TYW1B: variants seen among roughly 807,000 people sequenced by gnomAD.
TYW1B encodes the protein tRNA-yW synthesizing protein 1 homolog B, also known as S-adenosyl-L-methionine-dependent tRNA 4-demethylwyosine synthase TYW1B.
In TYW1B, 73 loss-of-function variants were observed where a neutral mutation model predicts 86.9. That is an observed-to-expected ratio of 0.84 (90% CI 0.70 to 1.02). TYW1B has a LOEUF of 1.02. Ranked by LOEUF, TYW1B falls within the 50% of genes least tolerant of loss-of-function variation. The pLI, the probability that TYW1B is intolerant of heterozygous loss-of-function variation, is 0.00. For missense variants in TYW1B, 637 were observed against 827.4 expected (o/e 0.77, Z 2.82); for synonymous variants, 248 against 292.8 (o/e 0.85, Z 1.56).
chr7:72,781,987 A>G (rs1554471720), intron 6 of TYW1B, among the ~76,000 whole-genome samples: 1 of 152,220 alleles, frequency 6.6e-6, no homozygotes, highest in Non-Finnish European at 1.5e-5. Context: ...TTTGTTTTAA[A>G]TATCATATAA....
Position 72,709,406 on chromosome 7 carries a change from C to A in TYW1B, c.1370+4215G>T, listed in dbSNP as rs182758825. Among the ~76,000 whole-genome samples the A allele has an allele frequency of 4.2e-3, 633 of 152,290 alleles. 5 individuals carry two copies. The highest frequency in any genetic ancestry group is 0.014 in the African/African-American group (600 of 41,552). On this transcript the variant is annotated intron_variant, in intron 10 of 13. Coordinates refer to ENST00000620995, the MANE Select transcript of TYW1B (RefSeq NM_001145440.3). ...AAGCGTGGCCGAGCGTGGTGGCTCA[C>A]GCCTGTAATCCCAGCACTTTGGGAG... is the stretch of plus-strand genomic sequence containing the variant.
intron 7 of TYW1B, among the ~76,000 whole-genome samples, chr7:72,767,529 G>T (rs1183654707): frequency 6.6e-6 from 1 of 152,042 alleles, no homozygotes; most frequent in East Asian, 1.9e-4. Flanking sequence ...AGAATGGTGT[G>T]AACCTGGGAG....
At chr7:72,691,320 GA>G (rs1814155244) in intron 11 of TYW1B, among the ~76,000 whole-genome samples, 1 of 152,214 alleles carries the variant, frequency 6.6e-6, no homozygotes, top group Non-Finnish European at 1.5e-5. Flanking sequence ...AAAATGCTCA[GA>G]AAGTCACTGC....
At chr7:72,821,335 C>T (rs551181313) in intron 2 of TYW1B, among the ~76,000 whole-genome samples, 1 of 152,302 alleles carries the variant, frequency 6.6e-6, no homozygotes, top group East Asian at 1.9e-4. Flanking sequence ...GCACAAAAAC[C>T]ACTGCAACCT....
intron 11 of TYW1B, among the ~76,000 whole-genome samples, chr7:72,665,515 T>C (rs34832874): frequency 9.2e-5 from 14 of 152,232 alleles, no homozygotes; most frequent in Non-Finnish European, 1.8e-4. Context: ...ATATAATTCA[T>C]GTTTGGTCCA....
chr7:72,722,634 A>G (rs1786925227), intron 9 of TYW1B, among the ~76,000 whole-genome samples: 1 of 152,208 alleles, frequency 6.6e-6, no homozygotes, highest in African/African-American at 2.4e-5. Context: ...GATTGCCCTC[A>G]GAATTAAGAA....
At chr7:72,714,809 C>T (rs2844064) in intron 9 of TYW1B, among the ~76,000 whole-genome samples, 8,514 of 152,114 alleles carry the variant, frequency 0.056, 554 homozygotes, top group East Asian at 0.33. Flanking sequence ...CCCAGCTACT[C>T]GGGAGGCTGA....
intron 8 of TYW1B, among the ~76,000 whole-genome samples, chr7:72,743,343 T>A (rs552384654): frequency 6.6e-6 from 1 of 152,278 alleles, no homozygotes; most frequent in South Asian, 2.1e-4. Context: ...GAGACTGGTA[T>A]CTCTGAATCC....
At chr7:72,771,246 G>A (rs1226333092) in intron 7 of TYW1B, among the ~76,000 whole-genome samples, 1 of 152,144 alleles carries the variant, frequency 6.6e-6, no homozygotes, top group Non-Finnish European at 1.5e-5. Context: ...ACAGGCGTGA[G>A]CCACTGCATC....
At chr7:72,734,419 A>G (rs1401686862) in intron 8 of TYW1B, among the ~76,000 whole-genome samples, 1 of 152,186 alleles carries the variant, frequency 6.6e-6, no homozygotes, top group Non-Finnish European at 1.5e-5. Flanking sequence ...TGCCAAGGTC[A>G]TGCAGTGGGG....
chr7:72,600,213 T>C (rs1177279488), intron 13 of TYW1B, among the ~76,000 whole-genome samples: 5 of 152,082 alleles, frequency 3.3e-5, no homozygotes, highest in Admixed American at 6.6e-5. Flanking sequence ...AGAAATAGAT[T>C]CACACAAATA....
rs190883973 is a variant in TYW1B, at chr7:72,811,088, G to A, written c.238-423C>T. The stretch of plus-strand genomic sequence containing the variant: ...AGATCGAGACCATCCTGGCTAACAC[G>A]GTGAAACCCGGTCTTTACTAAAAAT... On this transcript the variant is annotated intron_variant, in intron 3 of 13. Transcript: ENST00000620995. 6.7e-3 allele frequency among the ~76,000 whole-genome samples: 1,020 copies of A among 151,782 alleles called. 16 individuals carry two copies. Among genetic ancestry groups the A allele is most frequent in the African/African-American group, 0.023 (953 of 41,424 alleles).
At chr7:72,617,733 C>T (rs1812111563) in intron 12 of TYW1B, among the ~76,000 whole-genome samples, 1 of 152,084 alleles carries the variant, frequency 6.6e-6, no homozygotes, top group African/African-American at 2.4e-5. Flanking sequence ...ACAATCATGC[C>T]AAAAGGGAAA....
At chr7:72,767,666 G>T (rs1554468786) in intron 7 of TYW1B, among the ~76,000 whole-genome samples, 3 of 151,898 alleles carry the variant, frequency 2.0e-5, no homozygotes, top group African/African-American at 4.8e-5. Context: ...TTGACTTATA[G>T]TAACTCATAA....
intron 7 of TYW1B, among the ~76,000 whole-genome samples, chr7:72,775,106 T>A (rs1342505815): frequency 6.6e-6 from 1 of 151,938 alleles, no homozygotes; most frequent in Non-Finnish European, 1.5e-5. Flanking sequence ...ATAGAAACTA[T>A]CCAAAATGAA....
chr7:72,791,982 C>T (rs1194138933), intron 6 of TYW1B, among the ~76,000 whole-genome samples: 1 of 152,138 alleles, frequency 6.6e-6, no homozygotes, highest in Non-Finnish European at 1.5e-5. Flanking sequence ...TGGGAGCAGT[C>T]TTGGAGACTG....
chr7:72,663,151 T>C (rs1585885440), intron 11 of TYW1B, among the ~76,000 whole-genome samples: 1 of 122,772 alleles, frequency 8.1e-6, no homozygotes, highest in Non-Finnish European at 1.6e-5. Flanking sequence ...TACTTGGTAA[T>C]GGGGTAAAAT....
chr7:72,630,030 GCA>G (rs1484098979), intron 11 of TYW1B, among the ~76,000 whole-genome samples: 1 of 152,154 alleles, frequency 6.6e-6, no homozygotes, highest in Non-Finnish European at 1.5e-5. Context: ...TGTAATCCCA[GCA>G]CTTTGGGAGG....
intron 8 of TYW1B, among the ~76,000 whole-genome samples, chr7:72,729,649 C>T (rs1357904629): frequency 6.6e-6 from 1 of 152,102 alleles, no homozygotes; most frequent in Admixed American, 6.6e-5. Flanking sequence ...GAGACCACCC[C>T]CAAGACAGAC....
Sources: allele counts gnomAD v4.1 joint callset (sites outside exome capture counted in the v4.1 genomes callset), GRCh38; gene constraint gnomAD v4.1.1; transcripts MANE v1.5; gene names NCBI Gene and HGNC (gene_info 2026-07-23, HGNC 2026-07-21).